LMNTD1: variants seen among roughly 807,000 people sequenced by gnomAD.
The protein encoded by LMNTD1 is lamin tail domain containing 1.
LMNTD1 carries 35 observed loss-of-function variants against 50.9 expected under a neutral mutation model. The ratio of observed to expected loss-of-function variants is 0.69; its 90% confidence interval spans 0.53 to 0.91. The LOEUF (loss-of-function observed/expected upper bound fraction) is 0.91, where lower values mean the gene tolerates loss of function less well. Ranked by LOEUF, LMNTD1 falls within the 40% of genes least tolerant of loss-of-function variation. LMNTD1 has a pLI of 0.00. For missense variants in LMNTD1, 470 were observed against 475.5 expected (o/e 0.99, Z 0.11); for synonymous variants, 153 against 161.9 (o/e 0.94, Z 0.42).
intron 1 of LMNTD1, among the ~76,000 whole-genome samples, chr12:25,645,057 G>A (rs1450037519): frequency 6.6e-6 from 1 of 152,194 alleles, no homozygotes; most frequent in Admixed American, 6.5e-5. Context: ...GGGAAAACTA[G>A]TAGGACTCTT....
At chr12:25,525,771 C>A (rs1323095765) in intron 6 of LMNTD1, among the ~76,000 whole-genome samples, 2 of 151,974 alleles carry the variant, frequency 1.3e-5, no homozygotes, top group African/African-American at 2.4e-5. Flanking sequence ...GCCCAAATGC[C>A]CATCAGGCAA....
intron 9 of LMNTD1, among the ~76,000 whole-genome samples, chr12:25,479,750 T>C (rs578166893): frequency 6.6e-6 from 1 of 152,326 alleles, no homozygotes; most frequent in Non-Finnish European, 1.5e-5. Flanking sequence ...TAAGTGTCTA[T>C]TCCAGTGAAG....
chr12:25,612,972 G>A (rs986585646), intron 1 of LMNTD1, among the ~76,000 whole-genome samples: 1 of 152,154 alleles, frequency 6.6e-6, no homozygotes, highest in South Asian at 2.1e-4. Flanking sequence ...AGAGGAAGAA[G>A]GCAATGGGAT....
At chr12:25,615,261 A>G (rs993244476) in intron 1 of LMNTD1, among the ~76,000 whole-genome samples, 3 of 152,178 alleles carry the variant, frequency 2.0e-5, no homozygotes, top group Admixed American at 1.3e-4. Context: ...AACATGGTGC[A>G]GTAAAACACA....
At chr12:25,490,253 C>T (rs1301010961) in intron 9 of LMNTD1, among the ~76,000 whole-genome samples, 2 of 152,130 alleles carry the variant, frequency 1.3e-5, no homozygotes, top group Non-Finnish European at 2.9e-5. Context: ...GGGTTTTTTG[C>T]TAGTTGCAAA....
chr12:25,638,213 A>G (rs1946877913), intron 1 of LMNTD1, among the ~76,000 whole-genome samples: 1 of 152,090 alleles, frequency 6.6e-6, no homozygotes, highest in African/African-American at 2.4e-5. Context: ...AACATCTACA[A>G]AAAAACTCAC....
intron 1 of LMNTD1, among the ~76,000 whole-genome samples, chr12:25,616,471 T>C (rs946131418): frequency 6.6e-6 from 1 of 152,152 alleles, no homozygotes; most frequent in Non-Finnish European, 1.5e-5. Context: ...TTACGTAACA[T>C]TCTTGAAATG....
chr12:25,565,765 C>T lies in LMNTD1; in HGVS notation c.59-19211G>A, dbSNP rs113891869. 6.7e-3 allele frequency among the ~76,000 whole-genome samples: 1,013 copies of T among 152,304 alleles called. 7 individuals carry two copies. The highest frequency in any genetic ancestry group is 0.024 in the African/African-American group (977 of 41,552). Reference sequence around the variant, plus strand: ...GAAGTTCTCCTTTTAGCATTTCTCACAGGACAGATCTGGTGTTGAAATCCC... The same window carrying T: ...GAAGTTCTCCTTTTAGCATTTCTCATAGGACAGATCTGGTGTTGAAATCCC... On this transcript the variant is annotated intron_variant, in intron 1 of 7. Coordinates refer to the LMNTD1 transcript ENST00000445693.
intron 1 of LMNTD1, among the ~76,000 whole-genome samples, chr12:25,644,999 A>G (rs573200577): frequency 1.2e-4 from 18 of 152,264 alleles, no homozygotes; most frequent in Admixed American, 2.6e-4. Context: ...TTTGGGAGAG[A>G]GGAAATGTGA....
chr12:25,481,864 T>TACAC (rs1938455003), intron 9 of LMNTD1, among the ~76,000 whole-genome samples: 4 of 82,442 alleles, frequency 4.9e-5, no homozygotes, highest in Admixed American at 2.8e-4. Flanking sequence ...ATATTGCCTC[T>TACAC]TCACACACAC....
intron 1 of LMNTD1, among the ~76,000 whole-genome samples, chr12:25,570,288 G>A (rs1371025082): frequency 2.0e-5 from 3 of 152,086 alleles, no homozygotes; most frequent in Non-Finnish European, 2.9e-5. Flanking sequence ...AAGAACCAAA[G>A]GAATAGTTTT....
chr12:25,494,425 A>G (rs1338588964), intron 9 of LMNTD1, among the ~76,000 whole-genome samples: 1 of 152,188 alleles, frequency 6.6e-6, no homozygotes, highest in Non-Finnish European at 1.5e-5. Context: ...TAAAATTTAA[A>G]TAACAGGCTG....
chr12:25,514,753 T>G (rs1940626106), intron 8 of LMNTD1, among the ~76,000 whole-genome samples: 1 of 152,160 alleles, frequency 6.6e-6, no homozygotes, highest in Non-Finnish European at 1.5e-5. Context: ...ATAACTTTAT[T>G]ATTATGAGAA....
In LMNTD1 at chr12:25,568,032, G is replaced by A. The variant is rs186853873; in HGVS notation, c.59-21478C>T. ...TCAGAAGATAGAAAGATTAGGGAAA[G>A]TTTGGAACTTCTTAGAGACCACTTA... On this transcript the variant is annotated intron_variant, in intron 1 of 7. Coordinates refer to the LMNTD1 transcript ENST00000445693. Among the ~76,000 whole-genome samples, 784 of 152,270 alleles carry A rather than the reference G, an allele frequency of 5.1e-3. 8 individuals are homozygous for A. The highest frequency in any genetic ancestry group is 0.018 in the African/African-American group (736 of 41,544).
At chr12:25,583,800 C>T (rs1406239531) in intron 1 of LMNTD1, among the ~76,000 whole-genome samples, 1 of 152,162 alleles carries the variant, frequency 6.6e-6, no homozygotes, top group Non-Finnish European at 1.5e-5. Context: ...AGGCCAGAGC[C>T]TCAGGGTCTT....
chr12:25,598,701 C>G (rs1267964244), intron 1 of LMNTD1, among the ~76,000 whole-genome samples: 1 of 150,170 alleles, frequency 6.7e-6, no homozygotes, highest in African/African-American at 2.4e-5. Flanking sequence ...AAAAAAAAAT[C>G]ATGAGTAACT....
chr12:25,542,792 C>A (rs1394905257), intron 4 of LMNTD1, among the ~76,000 whole-genome samples: 3 of 142,996 alleles, frequency 2.1e-5, no homozygotes, highest in African/African-American at 7.6e-5. Context: ...GGGAATGTAG[C>A]CCAAAATGAA....
At chr12:25,598,771 G>A (rs1945899017) in intron 1 of LMNTD1, among the ~76,000 whole-genome samples, 1 of 151,870 alleles carries the variant, frequency 6.6e-6, no homozygotes, top group Non-Finnish European at 1.5e-5. Context: ...CACGTTACTG[G>A]ACACATGTAA....
intron 6 of LMNTD1, among the ~76,000 whole-genome samples, chr12:25,523,202 G>A (rs1434044006): frequency 1.3e-5 from 2 of 151,720 alleles, no homozygotes; most frequent in Non-Finnish European, 2.9e-5. Flanking sequence ...CCCAGCTAAT[G>A]TTTGTATTTT....
Sources: gnomAD v4.1 joint callset for allele counts (sites outside exome capture counted in the v4.1 genomes callset) on GRCh38, gnomAD v4.1.1 for gene constraint, MANE v1.5 for transcripts, NCBI Gene and HGNC (gene_info 2026-07-23, HGNC 2026-07-21) for gene names.